Variants in INPP5B observed in about 807,000 individuals in gnomAD.
INPP5B encodes inositol polyphosphate-5-phosphatase B.
A neutral mutation model predicts 118.5 loss-of-function variants in INPP5B; 90 were observed. That is an observed-to-expected ratio of 0.76 (90% CI 0.64 to 0.90). INPP5B has a LOEUF of 0.90. Ranked by LOEUF, INPP5B falls within the 40% of genes least tolerant of loss-of-function variation. The pLI is 0.00. For missense variants in INPP5B, 984 were observed against 1,125.6 expected (o/e 0.87, Z 1.80); for synonymous variants, 385 against 418.9 (o/e 0.92, Z 0.99).
rs577469916 is a variant in INPP5B, at chr1:37,878,042, G to C, written c.1677+146C>G. ...GCATACTAAAACAATTATTAACCAA[G>C]TTGTTAATAATTGTTTTAAATTGTC... On this transcript the variant is annotated intron_variant, in intron 16 of 23. Transcript: ENST00000373024. 2.4e-5 allele frequency: 23 copies of C among 944,644 alleles called. No homozygotes were observed. In the East Asian group the frequency reaches 3.4e-4, roughly 14 times the overall value. The allele number at this position is 944,644 out of a possible 1,614,324, so 58.5% of individuals were successfully genotyped here.
At chr1:37,946,173 G>A (rs1646104008) in intron 2 of INPP5B, 79 bp downstream of exon 2, 3 of 1,347,270 alleles carry the variant, frequency 2.2e-6, no homozygotes, top group African/African-American at 2.9e-5. Flanking sequence ...CAGGAGAGGG[G>A]ATAGACACCT....
At chr1:37,885,604 T>C (rs779132925) in intron 13 of INPP5B, 34 bp downstream of exon 13, 4 of 1,599,242 alleles carry the variant, frequency 2.5e-6, no homozygotes, top group African/African-American at 2.7e-5. Flanking sequence ...TATGTACTCA[T>C]GGTGAACCGC....
Position 37,931,204 on chromosome 1 carries a change from G to A in INPP5B, c.532+709C>T, listed in dbSNP as rs1469927435. The A allele has an allele frequency of 9.1e-6, 3 of 330,246 alleles. No individual in the cohort carries two copies. In the East Asian group the frequency reaches 2.9e-4, roughly 32 times the overall value. The allele number at this position is 330,246 out of a possible 1,614,324, so 20.5% of individuals were successfully genotyped here. A position where few individuals can be genotyped will look rare whatever the true frequency, so the allele number is the denominator to read the frequency against. ...CAGGGCTCCCCAAGACTCCAGCCCT[G>A]TACACTGCGCTATCATCACAGGGGC... On this transcript the variant is annotated intron_variant, in intron 7 of 23. Coordinates refer to ENST00000373024, the MANE Select transcript of INPP5B (RefSeq NM_005540.3).
At chr1:37,924,303 G>A (rs965650907) in intron 7 of INPP5B, among the ~76,000 whole-genome samples, 2 of 151,524 alleles carry the variant, frequency 1.3e-5, no homozygotes, top group African/African-American at 4.9e-5. Flanking sequence ...TGACTAGCTG[G>A]GACTACAGGC....
chr1:37,865,515 A>C (rs1277637235), intron 22 of INPP5B, among the ~76,000 whole-genome samples: 5 of 152,210 alleles, frequency 3.3e-5, no homozygotes, highest in African/African-American at 1.2e-4. Context: ...TAGATCAACG[A>C]GACTGGGCAC....
intron 7 of INPP5B, among the ~76,000 whole-genome samples, chr1:37,898,866 C>G (rs902610783): frequency 3.3e-5 from 5 of 152,002 alleles, no homozygotes; most frequent in Admixed American, 6.6e-5. Context: ...ACCTAAGTAA[C>G]TTTAGAAATG....
At chr1:37,938,198 G>C (rs1209939889) in intron 6 of INPP5B, among the ~76,000 whole-genome samples, 2 of 151,970 alleles carry the variant, frequency 1.3e-5, no homozygotes, top group African/African-American at 4.8e-5. Flanking sequence ...GAACCCAGGA[G>C]GTGGAGGTTG....
intron 7 of INPP5B, chr1:37,931,598 C>T (rs1645462670): frequency 1.3e-6 from 2 of 1,538,158 alleles, no homozygotes; most frequent in African/African-American, 1.4e-5. Context: ...ACCGCCGACC[C>T]TGCCCACCCG....
chr1:37,892,972 C>T (rs1016428824), intron 7 of INPP5B, among the ~76,000 whole-genome samples: 3 of 152,106 alleles, frequency 2.0e-5, no homozygotes, highest in African/African-American at 4.8e-5. Context: ...ATTGAATCTG[C>T]CAGCACCTTG....
At chr1:37,868,787 T>C (rs927774196) in intron 19 of INPP5B, among the ~76,000 whole-genome samples, 173 bp from the exon 20 acceptor site, 1 of 152,202 alleles carries the variant, frequency 6.6e-6, no homozygotes, top group Non-Finnish European at 1.5e-5. Flanking sequence ...AAGGTAATTT[T>C]TGAGAATCAG....
chr1:37,882,124 G>T (rs1424750537), intron 14 of INPP5B, among the ~76,000 whole-genome samples: 3 of 151,386 alleles, frequency 2.0e-5, no homozygotes, highest in Non-Finnish European at 4.4e-5. Flanking sequence ...ATAATAGAAA[G>T]ATTTAGACTA....
At chr1:37,885,996 G>A (rs1482404182) in intron 12 of INPP5B, among the ~76,000 whole-genome samples, 171 bp from the exon 13 acceptor site, 1 of 151,984 alleles carries the variant, frequency 6.6e-6, no homozygotes, top group Non-Finnish European at 1.5e-5. Context: ...TGGCCAAGAT[G>A]GTGAAACCCC....
chr1:37,938,569 T>A lies in INPP5B; in HGVS notation c.391+2119A>T, dbSNP rs769675325. ...AAAACTAAAGTTCAGAGAGGTGAAG[T>A]AGCTTGCCCAAAGTTGCACAGCTAG... On this transcript the variant is annotated intron_variant, in intron 6 of 23. Transcript: ENST00000373024. Among the ~76,000 whole-genome samples the A allele has an allele frequency of 2.8e-4, 42 of 152,280 alleles. 1 individual carries two copies. Among genetic ancestry groups the A allele is most frequent in the Middle Eastern group, 6.8e-3 (2 of 294 alleles).
chr1:37,930,804 G>A (rs1322346428), intron 7 of INPP5B: 2 of 152,292 alleles, frequency 1.3e-5, no homozygotes, highest in Non-Finnish European at 1.5e-5. Flanking sequence ...GTAAGAGCAA[G>A]TGGAGGGCTG....
At chr1:37,878,857 C>T (rs1348518202) in intron 15 of INPP5B, among the ~76,000 whole-genome samples, 2 of 150,908 alleles carry the variant, frequency 1.3e-5, no homozygotes, top group Admixed American at 6.6e-5. Flanking sequence ...ACCATGTTGC[C>T]CAGGCTGGTC....
chr1:37,871,716 A>C (rs1642452858), intron 19 of INPP5B, among the ~76,000 whole-genome samples: 1 of 151,560 alleles, frequency 6.6e-6, no homozygotes, highest in Non-Finnish European at 1.5e-5. Context: ...CAGCCTGGCC[A>C]ACATGGTGAA....
intron 7 of INPP5B, among the ~76,000 whole-genome samples, chr1:37,905,039 T>C (rs1159121306): frequency 1.3e-5 from 2 of 152,204 alleles, no homozygotes; most frequent in African/African-American, 4.8e-5. Flanking sequence ...ATTTGGTATA[T>C]AAATCATAAA....
At chr1:37,931,514 ACTT>A in intron 7 of INPP5B, 1 of 1,534,866 alleles carries the variant, frequency 6.5e-7, no homozygotes, top group Non-Finnish European at 8.7e-7. Flanking sequence ...ACATCACAGA[ACTT>A]CTGCCCCAGT....
chr1:37,943,277 C>T (rs1404504999), intron 5 of INPP5B, among the ~76,000 whole-genome samples: 1 of 152,096 alleles, frequency 6.6e-6, no homozygotes, highest in East Asian at 1.9e-4. Context: ...AGGCGTGAGC[C>T]ACTGCCCTGG....
Sources: allele counts gnomAD v4.1 joint callset (sites outside exome capture counted in the v4.1 genomes callset), GRCh38; gene constraint gnomAD v4.1.1; transcripts MANE v1.5; gene names NCBI Gene and HGNC (gene_info 2026-07-23, HGNC 2026-07-21).